The following PRKAG2 variants were observed in gnomAD, a reference collection of about 807,000 sequenced individuals.
PRKAG2 encodes protein kinase AMP-activated non-catalytic subunit gamma 2.
A neutral mutation model predicts 69.6 loss-of-function variants in PRKAG2; 26 were observed. That is an observed-to-expected ratio of 0.37 (90% CI 0.27 to 0.52). The LOEUF (loss-of-function observed/expected upper bound fraction) is 0.52, where lower values mean the gene tolerates loss of function less well. Ranked by LOEUF, PRKAG2 falls within the 20% of genes least tolerant of loss-of-function variation. PRKAG2 has a pLI of 0.90. For missense variants in PRKAG2, 557 were observed against 740.0 expected, an observed-to-expected ratio of 0.75 and a Z score of 2.87; for synonymous variants, 293 against 285.0, an observed-to-expected ratio of 1.03 and a Z score of -0.28.
intron 1 of PRKAG2, among the ~76,000 whole-genome samples, chr7:151,789,701 C>T (rs1738602648): frequency 6.6e-6 from 1 of 152,242 alleles, no homozygotes; most frequent in African/African-American, 2.4e-5. Flanking sequence ...GTTCTCAGCC[C>T]TGGCTGCACA....
chr7:151,626,727 G>A (rs367901284), intron 5 of PRKAG2, among the ~76,000 whole-genome samples: 15 of 149,276 alleles, frequency 1.0e-4, no homozygotes, highest in African/African-American at 3.9e-4. Context: ...TACACAGGGA[G>A]GCAATTCTCC....
At chr7:151,648,104 G>A (rs973511743) in intron 4 of PRKAG2, among the ~76,000 whole-genome samples, 2 of 151,926 alleles carry the variant, frequency 1.3e-5, no homozygotes, top group African/African-American at 4.8e-5. Context: ...AGCTTCCAGT[G>A]TCATTTGGCG....
intron 6 of PRKAG2, among the ~76,000 whole-genome samples, chr7:151,578,026 C>T (rs1471442513): frequency 6.7e-6 from 1 of 148,552 alleles, no homozygotes; most frequent in Non-Finnish European, 1.5e-5. Context: ...AAATTATTCT[C>T]TTCTCACTCA....
chr7:151,843,766 A>G (rs1298470160), intron 1 of PRKAG2, among the ~76,000 whole-genome samples: 1 of 152,238 alleles, frequency 6.6e-6, no homozygotes, highest in Non-Finnish European at 1.5e-5. Flanking sequence ...AAGCAGGAAG[A>G]CTTGGACCCA....
At chr7:151,773,178 GA>G (rs1006397254) in intron 3 of PRKAG2, among the ~76,000 whole-genome samples, 32 of 147,610 alleles carry the variant, frequency 2.2e-4, no homozygotes, top group Middle Eastern at 6.9e-3. Flanking sequence ...AGGAAGGAAG[GA>G]AGGAAGGAAA....
intron 3 of PRKAG2, among the ~76,000 whole-genome samples, chr7:151,700,220 G>A (rs531598383): frequency 4.0e-4 from 61 of 152,274 alleles, no homozygotes; most frequent in Non-Finnish European, 7.1e-4. Context: ...AGAAAGAGGC[G>A]TATTATACGC....
At chr7:151,851,513 G>T (rs1034622758) in intron 1 of PRKAG2, among the ~76,000 whole-genome samples, 1 of 152,186 alleles carries the variant, frequency 6.6e-6, no homozygotes, top group Non-Finnish European at 1.5e-5. Flanking sequence ...TGGCCAGTGT[G>T]GGCAAGCAGC....
chr7:151,697,997 G>A (rs1332924708), intron 3 of PRKAG2, among the ~76,000 whole-genome samples: 2 of 152,182 alleles, frequency 1.3e-5, no homozygotes, highest in African/African-American at 4.8e-5. Flanking sequence ...TTTTTGTGCT[G>A]TTTTCCTCTG....
chr7:151,714,166 A>T (rs1261060233), intron 3 of PRKAG2, among the ~76,000 whole-genome samples: 1 of 152,066 alleles, frequency 6.6e-6, no homozygotes, highest in Non-Finnish European at 1.5e-5. Context: ...TGTCATGGGG[A>T]ATAAACAAGA....
intron 3 of PRKAG2, among the ~76,000 whole-genome samples, chr7:151,765,883 A>G (rs958804719): frequency 6.6e-6 from 1 of 152,190 alleles, no homozygotes; most frequent in African/African-American, 2.4e-5. Flanking sequence ...CTTGATTTTC[A>G]TTCCTGTGTG....
At chr7:151,854,553 C>T (rs1227595156) in intron 1 of PRKAG2, among the ~76,000 whole-genome samples, 1 of 152,258 alleles carries the variant, frequency 6.6e-6, no homozygotes, top group Non-Finnish European at 1.5e-5. Context: ...AAGGGCCAGG[C>T]AGCGGGAATC....
intron 1 of PRKAG2, among the ~76,000 whole-genome samples, chr7:151,819,148 C>G (rs2078713239): frequency 6.6e-6 from 1 of 152,168 alleles, no homozygotes; most frequent in Non-Finnish European, 1.5e-5. Flanking sequence ...CCACCCAGCC[C>G]CGGTGACCTG....
At chr7:151,775,989 C>T (rs78523455) in intron 3 of PRKAG2, among the ~76,000 whole-genome samples, 232 of 152,358 alleles carry the variant, frequency 1.5e-3, no homozygotes, top group Non-Finnish European at 2.7e-3. Context: ...AGGCCAGCCT[C>T]ATGCCAGGCA....
intron 5 of PRKAG2, among the ~76,000 whole-genome samples, chr7:151,617,134 G>A (rs1324595188): frequency 6.6e-6 from 1 of 151,910 alleles, no homozygotes; most frequent in Non-Finnish European, 1.5e-5. Context: ...GGTGGTGGGT[G>A]CCTGTAATCC....
intron 1 of PRKAG2, among the ~76,000 whole-genome samples, chr7:151,815,991 T>G (rs1032570096): frequency 6.6e-6 from 1 of 152,176 alleles, no homozygotes. Flanking sequence ...TCAGGTAAGG[T>G]TGATGGCAAC....
In PRKAG2 at chr7:151,797,432, G is replaced by C. The variant is rs1044652294; in HGVS notation, c.115-10891C>G. On this transcript the variant is annotated intron_variant, in intron 1 of 15. Transcript: ENST00000287878. ...TACGTAGAGGACCTTGTGTGAGAGAGGACACCTCTGAACGAGGGCTCAGAG... is the reference window on the plus strand; with the variant it reads ...TACGTAGAGGACCTTGTGTGAGAGACGACACCTCTGAACGAGGGCTCAGAG... Among the ~76,000 whole-genome samples the C allele has an allele frequency of 7.6e-4, 115 of 152,244 alleles. 2 individuals are homozygous for C. The highest frequency in any genetic ancestry group is 2.7e-3 in the African/African-American group (111 of 41,544).
chr7:151,627,567 C>A (rs111748119), intron 5 of PRKAG2, among the ~76,000 whole-genome samples: 19,044 of 151,932 alleles, frequency 0.13, 1,377 homozygotes, highest in African/African-American at 0.17. Context: ...CAGAGGTTGC[C>A]GTGAACCGAG....
chr7:151,781,097 G>T lies in PRKAG2; in HGVS notation c.466+55C>A. Reference sequence around the variant, plus strand: ...GTGCCACCGTGGATGTGTGGCTGCAGAAGAGACCCCCAGCACCCCAGCACC... The same window carrying T: ...GTGCCACCGTGGATGTGTGGCTGCATAAGAGACCCCCAGCACCCCAGCACC... On this transcript the variant is annotated intron_variant, in intron 3 of 15. Transcript: ENST00000287878. The surrounding 1 kb of genome is among the most constrained non-coding windows in gnomAD (Gnocchi z 6.1). 6.2e-7 allele frequency: 1 copy of T among 1,608,356 alleles called. No individual in the cohort carries two copies. Among genetic ancestry groups the T allele is most frequent in the South Asian group, 1.1e-5 (1 of 90,840 alleles).
chr7:151,707,524 G>C (rs1363891912), intron 3 of PRKAG2, among the ~76,000 whole-genome samples: 1 of 152,086 alleles, frequency 6.6e-6, no homozygotes, highest in Non-Finnish European at 1.5e-5. Flanking sequence ...TGTTGGCTCT[G>C]GGGGAGAGGA....
Sources: allele counts gnomAD v4.1 joint callset (sites outside exome capture counted in the v4.1 genomes callset), GRCh38; gene constraint gnomAD v4.1.1; non-coding constraint Gnocchi (gnomAD v3.1); transcripts MANE v1.5; gene names NCBI Gene and HGNC (gene_info 2026-07-23, HGNC 2026-07-21).